SPOCK3: variants seen among roughly 807,000 people sequenced by gnomAD.
SPOCK3 encodes the protein testican-3.
In SPOCK3, 30 loss-of-function variants were observed where a neutral mutation model predicts 56.6. The ratio of observed to expected loss-of-function variants is 0.53; its 90% CI spans 0.40 to 0.72. The LOEUF is 0.72. SPOCK3 is among the 30% of genes least tolerant of loss of function. The pLI is 0.00. For missense variants in SPOCK3, 527 were observed against 530.0 expected (o/e 0.99, Z 0.06); for synonymous variants, 196 against 183.3 (o/e 1.07, Z -0.56).
In SPOCK3 at chr4:166,838,115, T is replaced by C. The variant is rs142050700; in HGVS notation, c.590-45826A>G. On this transcript the variant is annotated intron_variant, in intron 6 of 10. Coordinates refer to ENST00000357545, the MANE Select transcript of SPOCK3 (RefSeq NM_001040159.2). The stretch of plus-strand genomic sequence containing the variant: ...CCCAGATTCTTTCTTCATCTTTAGT[T>C]TTGCAGAAGTTTGACTTTGATTTGT... 2.7e-3 allele frequency among the ~76,000 whole-genome samples: 411 copies of C among 152,346 alleles called. 3 individuals carry two copies. Among genetic ancestry groups the C allele is most frequent in the African/African-American group, 9.2e-3 (382 of 41,586 alleles).
chr4:166,754,479 T>C (rs775164699), intron 8 of SPOCK3, 29 bp downstream of exon 8: 1 of 1,592,106 alleles, frequency 6.3e-7, no homozygotes, highest in South Asian at 1.1e-5. Flanking sequence ...AGGTCAACTA[T>C]TTGCGTCTGT....
chr4:167,151,487 T>G (rs1248466033), intron 2 of SPOCK3, among the ~76,000 whole-genome samples: 2 of 148,718 alleles, frequency 1.3e-5, no homozygotes, highest in Non-Finnish European at 3.0e-5. Flanking sequence ...CAGGCTGGAG[T>G]GCAGTGGCAT....
intron 3 of SPOCK3, among the ~76,000 whole-genome samples, chr4:167,027,895 A>C (rs1751849836): frequency 6.6e-6 from 1 of 151,962 alleles, no homozygotes; most frequent in African/African-American, 2.4e-5. Context: ...AGTTCAACCC[A>C]TGTTGTTCAA....
chr4:166,878,369 A>G (rs1228794987), intron 6 of SPOCK3, among the ~76,000 whole-genome samples: 1 of 152,160 alleles, frequency 6.6e-6, no homozygotes, highest in Non-Finnish European at 1.5e-5. Flanking sequence ...CAGAATGTTT[A>G]TTATGTAATA....
chr4:166,808,458 C>T (rs550185029), intron 6 of SPOCK3, among the ~76,000 whole-genome samples: 2 of 152,128 alleles, frequency 1.3e-5, no homozygotes, highest in East Asian at 1.9e-4. Context: ...CTCTCTCTCT[C>T]TCTCTCTCTC....
chr4:166,916,435 C>T (rs1737859933), intron 4 of SPOCK3, among the ~76,000 whole-genome samples: 1 of 152,080 alleles, frequency 6.6e-6, no homozygotes. Flanking sequence ...ATGTCTCTAG[C>T]ATCAGTCTCA....
intron 7 of SPOCK3, among the ~76,000 whole-genome samples, chr4:166,776,837 T>G (rs576300031): frequency 6.4e-4 from 97 of 152,242 alleles, no homozygotes; most frequent in African/African-American, 2.2e-3. Flanking sequence ...TGGAATACAT[T>G]AACATAAAGA....
chr4:166,943,826 T>A (rs930792147), intron 4 of SPOCK3, among the ~76,000 whole-genome samples: 1 of 152,164 alleles, frequency 6.6e-6, no homozygotes, highest in African/African-American at 2.4e-5. Context: ...ATATGATACA[T>A]GATAAATATA....
intron 6 of SPOCK3, among the ~76,000 whole-genome samples, chr4:166,819,177 C>T (rs1203024148): frequency 3.3e-5 from 5 of 151,992 alleles, no homozygotes; most frequent in African/African-American, 1.2e-4. Context: ...TTCATTCATT[C>T]TCAAGAAAAA....
At chr4:166,951,981 G>A (rs1742697666) in intron 4 of SPOCK3, among the ~76,000 whole-genome samples, 1 of 152,018 alleles carries the variant, frequency 6.6e-6, no homozygotes, top group Admixed American at 6.6e-5. Flanking sequence ...ATATCATACT[G>A]AATGGGCAAA....
At chr4:166,963,685 A>G (rs1404817311) in intron 4 of SPOCK3, among the ~76,000 whole-genome samples, 3 of 152,006 alleles carry the variant, frequency 2.0e-5, no homozygotes, top group Admixed American at 2.0e-4. Flanking sequence ...TATTCTGCAC[A>G]CAAAATGTTG....
chr4:167,109,445 T>A (rs1175675042), intron 2 of SPOCK3, among the ~76,000 whole-genome samples: 1 of 107,034 alleles, frequency 9.3e-6, no homozygotes, highest in Non-Finnish European at 1.7e-5. Flanking sequence ...AATATATATT[T>A]ATATTTATAT....
In SPOCK3 at chr4:166,887,147, T is replaced by A. The variant is rs984862727; in HGVS notation, c.589+1983A>T. Among the ~76,000 whole-genome samples the A allele has an allele frequency of 3.3e-5, 5 of 152,184 alleles. No individual in the cohort carries two copies. The South Asian group carries it at 6.2e-4, about 19-fold the overall frequency. ...ATAATTATTGTTTATTCACAAGAGA[T>A]CCTCTTCTCAGATGTGCTACCTTCC... is the stretch of plus-strand genomic sequence containing the variant. On this transcript the variant is annotated intron_variant, in intron 6 of 10. Transcript: ENST00000357545.
intron 5 of SPOCK3, among the ~76,000 whole-genome samples, chr4:166,907,400 T>A (rs556105753): frequency 1.3e-5 from 2 of 152,214 alleles, no homozygotes; most frequent in South Asian, 4.1e-4. Context: ...ATCAAGTCAA[T>A]GAGCAATCAG....
intron 2 of SPOCK3, among the ~76,000 whole-genome samples, chr4:167,223,551 G>T (rs1367444357): frequency 1.3e-5 from 2 of 151,870 alleles, no homozygotes; most frequent in Admixed American, 6.6e-5. Context: ...CTACTGGAGA[G>T]AGCCCTGACT....
At chr4:167,004,222 G>C (rs995891104) in intron 3 of SPOCK3, among the ~76,000 whole-genome samples, 1 of 152,160 alleles carries the variant, frequency 6.6e-6, no homozygotes, top group Non-Finnish European at 1.5e-5. Flanking sequence ...GAGATCACAT[G>C]ATGGTGAATG....
intron 4 of SPOCK3, among the ~76,000 whole-genome samples, chr4:166,945,895 T>G (rs1269360079): frequency 6.6e-6 from 1 of 152,118 alleles, no homozygotes; most frequent in East Asian, 1.9e-4. Context: ...GGTGAAAACC[T>G]CCCATACTCT....
intron 3 of SPOCK3, among the ~76,000 whole-genome samples, chr4:167,055,904 C>G (rs999125354): frequency 1.3e-5 from 2 of 152,170 alleles, no homozygotes; most frequent in African/African-American, 4.8e-5. Context: ...CAGCACTAAC[C>G]TCTGCAGACT....
intron 2 of SPOCK3, among the ~76,000 whole-genome samples, chr4:167,152,267 T>C (rs1024393855): frequency 1.3e-5 from 2 of 152,172 alleles, no homozygotes; most frequent in East Asian, 3.9e-4. Context: ...CAGAACACTG[T>C]GGAACAGTTG....
Sources: allele counts gnomAD v4.1 joint callset (sites outside exome capture counted in the v4.1 genomes callset), GRCh38; gene constraint gnomAD v4.1.1; transcripts MANE v1.5; gene names NCBI Gene and HGNC (gene_info 2026-07-23, HGNC 2026-07-21).